Variants in NELL1 observed in about 807,000 individuals in gnomAD.
The protein encoded by NELL1 is protein kinase C-binding protein NELL1.
NELL1 carries 76 observed loss-of-function variants against 107.4 expected under a neutral mutation model. That is an observed-to-expected ratio of 0.71 (90% CI 0.59 to 0.86). The LOEUF is 0.86. Ranked by LOEUF, NELL1 falls within the 40% of genes least tolerant of loss-of-function variation. The probability of loss-of-function intolerance (pLI) is 0.00; values close to 1 mark genes in which losing one functional copy is unlikely to be tolerated. For synonymous variants in NELL1, 353 were observed against 341.2 expected (o/e 1.03, Z -0.38); for missense variants, 1,024 against 1,005.5 (o/e 1.02, Z -0.25).
At chr11:21,417,600 A>G (rs541925656) in intron 15 of NELL1, among the ~76,000 whole-genome samples, 2 of 152,172 alleles carry the variant, frequency 1.3e-5, no homozygotes, top group South Asian at 2.1e-4. Flanking sequence ...ATTTTACCAC[A>G]TAAAGTTGAT....
At chr11:21,467,058 A>G (rs1854050400) in intron 15 of NELL1, among the ~76,000 whole-genome samples, 1 of 152,074 alleles carries the variant, frequency 6.6e-6, no homozygotes, top group Non-Finnish European at 1.5e-5. Flanking sequence ...AACTGGGATA[A>G]TTGAAGGAAG....
chr11:20,999,707 C>T (rs1392443736), intron 12 of NELL1, among the ~76,000 whole-genome samples: 2 of 139,084 alleles, frequency 1.4e-5, no homozygotes, highest in East Asian at 2.0e-4. Flanking sequence ...TATATAAAAC[C>T]TTTGGTACCC....
intron 12 of NELL1, among the ~76,000 whole-genome samples, chr11:21,019,037 G>A (rs565149630): frequency 2.0e-5 from 3 of 152,162 alleles, no homozygotes; most frequent in Non-Finnish European, 4.4e-5. Flanking sequence ...CTACTCCCCT[G>A]CGGATGGCAG....
intron 12 of NELL1, among the ~76,000 whole-genome samples, chr11:21,017,267 C>A (rs1012429584): frequency 6.6e-6 from 1 of 152,084 alleles, no homozygotes; most frequent in African/African-American, 2.4e-5. Flanking sequence ...ACAGTCATTT[C>A]CCAAGAAACT....
intron 13 of NELL1, among the ~76,000 whole-genome samples, chr11:21,169,184 G>A (rs1856549622): frequency 6.6e-6 from 1 of 151,858 alleles, no homozygotes; most frequent in South Asian, 2.1e-4. Flanking sequence ...ACGGAGGGAT[G>A]TAAGAGGGAA....
intron 15 of NELL1, among the ~76,000 whole-genome samples, chr11:21,486,895 G>A (rs1256832346): frequency 1.3e-5 from 2 of 152,048 alleles, no homozygotes; most frequent in Non-Finnish European, 2.9e-5. Flanking sequence ...TTGAAGACAA[G>A]TCTTTTGAAA....
At chr11:21,559,083 A>C (rs1255376842) in intron 16 of NELL1, among the ~76,000 whole-genome samples, 2 of 152,128 alleles carry the variant, frequency 1.3e-5, no homozygotes, top group African/African-American at 4.8e-5. Context: ...AATTGGTAAG[A>C]CAAAGCCAAA....
intron 14 of NELL1, among the ~76,000 whole-genome samples, chr11:21,319,901 A>G (rs1849971118): frequency 1.3e-5 from 2 of 152,046 alleles, no homozygotes; most frequent in Non-Finnish European, 2.9e-5. Context: ...TCTAAACTCC[A>G]TGAGAGCTAG....
intron 2 of NELL1, among the ~76,000 whole-genome samples, chr11:20,703,061 T>C (rs1854840318): frequency 6.6e-6 from 1 of 152,220 alleles, no homozygotes; most frequent in Non-Finnish European, 1.5e-5. Flanking sequence ...TTGATTGAAA[T>C]AGTTTCAGAA....
At chr11:21,003,564 C>A (rs1455607268) in intron 12 of NELL1, among the ~76,000 whole-genome samples, 1 of 152,040 alleles carries the variant, frequency 6.6e-6, no homozygotes, top group African/African-American at 2.4e-5. Context: ...GTCATGGGGC[C>A]TGTAAATGAA....
intron 15 of NELL1, among the ~76,000 whole-genome samples, chr11:21,441,297 A>G (rs964132552): frequency 6.7e-6 from 1 of 149,436 alleles, no homozygotes; most frequent in Non-Finnish European, 1.5e-5. Context: ...GATAATTCTG[A>G]ACAGCCATAT....
chr11:21,402,280 T>G (rs935526291), intron 15 of NELL1, among the ~76,000 whole-genome samples: 2 of 151,800 alleles, frequency 1.3e-5, no homozygotes, highest in Non-Finnish European at 2.9e-5. Context: ...AGTACACCCT[T>G]TTCCTCACAC....
intron 2 of NELL1, among the ~76,000 whole-genome samples, chr11:20,735,130 C>CAA (rs1220904187): frequency 6.6e-6 from 1 of 152,080 alleles, no homozygotes. Flanking sequence ...AAGAAAAACT[C>CAA]AGAAAGTGTT....
chr11:21,490,014 TCTGC>T (rs1854759297), intron 15 of NELL1, among the ~76,000 whole-genome samples: 1 of 152,108 alleles, frequency 6.6e-6, no homozygotes, highest in South Asian at 2.1e-4. Context: ...ATTTTCTCTG[TCTGC>T]TGATAAGATC....
At chr11:21,186,495 A>G (rs1414729282) in intron 13 of NELL1, among the ~76,000 whole-genome samples, 1 of 151,842 alleles carries the variant, frequency 6.6e-6, no homozygotes, top group Non-Finnish European at 1.5e-5. Flanking sequence ...TTCGTCTAAG[A>G]CATCTCTTTC....
At chr11:21,367,979 A>G (rs1216714102) in intron 14 of NELL1, among the ~76,000 whole-genome samples, 1 of 152,114 alleles carries the variant, frequency 6.6e-6, no homozygotes, top group Non-Finnish European at 1.5e-5. Flanking sequence ...TTCATAGTCA[A>G]TCAAGAAGAG....
chr11:21,386,336 C>T (rs1455505302), intron 15 of NELL1, among the ~76,000 whole-genome samples: 4 of 151,794 alleles, frequency 2.6e-5, no homozygotes, highest in Admixed American at 6.6e-5. Context: ...TAAATGAGGA[C>T]ATGTTGGATT....
chr11:21,185,377 C>A lies in NELL1; in HGVS notation c.1427-43955C>A, dbSNP rs368740087. ...GTGGTGCATCTCAGCTCACTGCAACCTCTGCCTCCCAGGTTGAAGCGATTC... is the reference window on the plus strand; with the variant it reads ...GTGGTGCATCTCAGCTCACTGCAACATCTGCCTCCCAGGTTGAAGCGATTC... On this transcript the variant is annotated intron_variant, in intron 13 of 19. Transcript: ENST00000357134. Among the ~76,000 whole-genome samples the A allele has an allele frequency of 1.3e-4, 19 of 149,898 alleles. 1 individual carries two copies. The East Asian group carries it at 2.6e-3, about 20-fold the overall frequency.
At chr11:20,814,675 C>T (rs1320210100) in intron 3 of NELL1, among the ~76,000 whole-genome samples, 3 of 152,054 alleles carry the variant, frequency 2.0e-5, no homozygotes, top group South Asian at 2.1e-4. Flanking sequence ...CGTTTATGTA[C>T]CACATTTTCT....
Sources: gnomAD v4.1 joint callset for allele counts (sites outside exome capture counted in the v4.1 genomes callset) on GRCh38, gnomAD v4.1.1 for gene constraint, MANE v1.5 for transcripts, NCBI Gene and HGNC (gene_info 2026-07-23, HGNC 2026-07-21) for gene names.